USP20: variants seen among roughly 807,000 people sequenced by gnomAD.
USP20 encodes the protein ubiquitin specific peptidase 20.
A neutral mutation model predicts 124.2 loss-of-function variants in USP20; 80 were observed. The observed-to-expected ratio is 0.64, with a 90% CI of 0.54 to 0.78. The LOEUF (loss-of-function observed/expected upper bound fraction) is 0.78. Ranked by LOEUF, USP20 falls within the 30% of genes least tolerant of loss-of-function variation. USP20 has a pLI of 0.00. For synonymous variants in USP20, 481 were observed against 512.3 expected (o/e 0.94, Z 0.83); for missense variants, 1,043 against 1,244.4 (o/e 0.84, Z 2.44).
chr9:129,855,263 C>G (rs2033150831), intron 3 of USP20, among the ~76,000 whole-genome samples: 1 of 152,080 alleles, frequency 6.6e-6, no homozygotes, highest in Non-Finnish European at 1.5e-5. Flanking sequence ...AATCCCATCT[C>G]TACTAATAAT....
chr9:129,874,527 G>T lies in USP20; in HGVS notation c.1741-49G>T, dbSNP rs751721104. The stretch of plus-strand genomic sequence containing the variant: ...TGGGCCCGTGGGCAAGGCTGCGAGG[G>T]CCCGCATCATTTCTTCCTAGATGAC... On this transcript the variant is annotated intron_variant, in intron 17 of 25. Transcript: ENST00000372429. The T allele has an allele frequency of 1.9e-6, 3 of 1,603,606 alleles. No homozygotes were observed. In the African/African-American group the frequency reaches 4.0e-5, roughly 21 times the overall value.
rs773333719 is a variant in USP20, at chr9:129,880,259, A to T, written c.2731A>T (p.Thr911Ser). 6.2e-7 allele frequency: 1 copy of T among 1,602,228 alleles called. No individual in the cohort carries two copies. The highest frequency in any genetic ancestry group is 1.7e-5 in the Admixed American group (1 of 57,994). Residue 911 changes from threonine (T) to serine (S), a missense_variant, in exon 25 of 26, where the codon ACG (threonine) becomes TCG (serine). Physicochemically the swap from Thr to Ser is moderately conservative, Grantham distance 58. Coordinates refer to ENST00000372429, the MANE Select transcript of USP20 (RefSeq NM_001110303.4). ...LHGEQKIEAE[T>S]RAV ...CGGGGAGCAGAAGATCGAAGCCGAG[A>T]CGCGGGCCGTGTGATCTGCTGGGCT...
intron 1 of USP20, among the ~76,000 whole-genome samples, chr9:129,846,248 T>TATATATATATA (rs1491285186): frequency 9.9e-5 from 4 of 40,604 alleles, no homozygotes; most frequent in African/African-American, 3.5e-4. Context: ...TATATATATA[T>TATATATATATA]TTTTTTTTTT....
At chr9:129,856,416 A>C (rs1206945625) in intron 4 of USP20, 56 bp downstream of exon 4, 10 of 1,574,568 alleles carry the variant, frequency 6.4e-6, no homozygotes. Flanking sequence ...TGTTATCAGC[A>C]CTGCACAGGC....
chr9:129,871,418 GTTCA>G (rs982806961), intron 15 of USP20, among the ~76,000 whole-genome samples: 3 of 152,142 alleles, frequency 2.0e-5, no homozygotes, highest in African/African-American at 7.2e-5. Flanking sequence ...CTGCTTATTC[GTTCA>G]TCCGTCAGTG....
intron 1 of USP20, among the ~76,000 whole-genome samples, chr9:129,838,619 C>T (rs2032011340): frequency 6.6e-6 from 1 of 152,120 alleles, no homozygotes; most frequent in Non-Finnish European, 1.5e-5. Context: ...TCTGAGATTG[C>T]ATGGGGGAAG....
rs1451783528 is a variant in USP20 at position 129,874,620 on chromosome 9, C to T, written c.1785C>T (p.Tyr595=). 3.7e-6 allele frequency: 6 copies of T among 1,613,846 alleles called. No individual in the cohort carries two copies. Among genetic ancestry groups the T allele is most frequent in the Non-Finnish European group, 5.1e-6 (6 of 1,180,020 alleles). Residue 595 remains tyrosine, a synonymous_variant, in exon 18 of 26, where the codon TAC becomes TAT. Coordinates refer to ENST00000372429, the MANE Select transcript of USP20 (RefSeq NM_001110303.4). ...AGCGCTTTCGGCACGAGGTGATGTA[C>T]TCATTCAAGATCAACAGCCACGTCT... is the stretch of plus-strand genomic sequence containing the variant. ...HLKRFRHEVM[Y]SFKINSHVSF...
At position 129,852,618 on chromosome 9, in the gene USP20, C is replaced by T. The variant is rs769714697; in HGVS notation, c.63C>T (p.Asp21=). 22 of 1,594,932 alleles carry T rather than the reference C, an allele frequency of 1.4e-5. No individual in the cohort carries two copies. Among genetic ancestry groups the T allele is most frequent in the Non-Finnish European group, 1.9e-5 (22 of 1,169,660 alleles). The change falls in exon 3 of 26, where the codon GAC becomes GAT. Residue 21 remains aspartate (D), a synonymous_variant. Coordinates refer to ENST00000372429, the MANE Select transcript of USP20 (RefSeq NM_001110303.4). The part of the protein sequence containing the change: ...LDSIGEVTKE[D]LLLKSKGTCQ... The stretch of plus-strand genomic sequence containing the variant: ...CCATAGGAGAGGTGACCAAAGAGGA[C>T]TTGCTGCTCAAATCTAAGGTAAAGG...
At chr9:129,853,577 C>T (rs1486510048) in intron 3 of USP20, among the ~76,000 whole-genome samples, 2 of 152,216 alleles carry the variant, frequency 1.3e-5, no homozygotes, top group Admixed American at 6.5e-5. Context: ...GTCGCCTGGC[C>T]TCGCTGCACC....
intron 15 of USP20, among the ~76,000 whole-genome samples, chr9:129,872,835 A>G (rs1055192166): frequency 3.3e-5 from 5 of 152,102 alleles, no homozygotes; most frequent in African/African-American, 1.2e-4. Context: ...CAACATAGCA[A>G]GACCCTATCT....
At chr9:129,838,118 T>G (rs2031972799) in intron 1 of USP20, among the ~76,000 whole-genome samples, 1 of 151,132 alleles carries the variant, frequency 6.6e-6, no homozygotes, top group African/African-American at 2.4e-5. Flanking sequence ...CTTGGCTCAC[T>G]CCAACCTCCG....
chr9:129,878,908 C>T (rs1005080820), intron 23 of USP20, among the ~76,000 whole-genome samples: 14 of 152,226 alleles, frequency 9.2e-5, no homozygotes, highest in East Asian at 7.7e-4. Flanking sequence ...TCGGCTGGGG[C>T]GCCCTCGGGG....
At chr9:129,853,214 A>G (rs547657840) in intron 3 of USP20, among the ~76,000 whole-genome samples, 1 of 151,246 alleles carries the variant, frequency 6.6e-6, no homozygotes, top group South Asian at 2.1e-4. Flanking sequence ...ATGTGAATAC[A>G]AGCAGATAAA....
intron 3 of USP20, among the ~76,000 whole-genome samples, chr9:129,855,794 C>T (rs2131057490): frequency 6.6e-6 from 1 of 152,278 alleles, no homozygotes; most frequent in South Asian, 2.1e-4. Context: ...ACGGAGCAGG[C>T]TTTGACGCCC....
In USP20 at chr9:129,874,564, C is replaced by G. The variant is rs770474297; in HGVS notation, c.1741-12C>G. 7 of 1,612,146 alleles carry G rather than the reference C, an allele frequency of 4.3e-6. No homozygotes were observed. The highest frequency in any genetic ancestry group is 5.9e-6 in the Non-Finnish European group (7 of 1,178,890). On this transcript the variant is annotated splice_polypyrimidine_tract_variant and intron_variant, in intron 17 of 25. Coordinates refer to ENST00000372429, the MANE Select transcript of USP20 (RefSeq NM_001110303.4). The stretch of plus-strand genomic sequence containing the variant: ...TCTTCCTAGATGACCGGCGCTCTCT[C>G]TGTCCCCGCAGATCCTGTGCATTCA...
chr9:129,871,397 C>T (rs190148565), intron 15 of USP20, among the ~76,000 whole-genome samples: 3 of 152,290 alleles, frequency 2.0e-5, no homozygotes, highest in Admixed American at 2.0e-4. Flanking sequence ...GTGTGGATGG[C>T]TGGGGCCTTT....
intron 3 of USP20, among the ~76,000 whole-genome samples, chr9:129,855,890 G>T (rs938134158): frequency 6.6e-6 from 1 of 152,138 alleles, no homozygotes; most frequent in South Asian, 2.1e-4. Context: ...ACTCACAGGG[G>T]TAGGCAGAAC....
At chr9:129,878,564 C>G in intron 23 of USP20, 124 bp downstream of exon 23, 1 of 816,344 alleles carries the variant, frequency 1.2e-6, no homozygotes, top group Admixed American at 2.9e-5. Flanking sequence ...AGGTGCCACC[C>G]ATCCAGGGTG....
At chr9:129,870,960 ACTCT>A (rs778510077) in intron 15 of USP20, among the ~76,000 whole-genome samples, 2 of 147,198 alleles carry the variant, frequency 1.4e-5, no homozygotes, top group South Asian at 2.1e-4. Flanking sequence ...CTTTGGGAAA[ACTCT>A]CTCTTTTTTT....
Sources: gnomAD v4.1 joint callset for allele counts (sites outside exome capture counted in the v4.1 genomes callset) on GRCh38, gnomAD v4.1.1 for gene constraint, MANE v1.5 for transcripts, NCBI Gene and HGNC (gene_info 2026-07-23, HGNC 2026-07-21) for gene names.